CDH13: variants seen among roughly 807,000 people sequenced by gnomAD.
CDH13 encodes the protein cadherin 13.
CDH13 carries 24 observed loss-of-function variants against 63.8 expected under a neutral mutation model. The ratio of observed to expected loss-of-function variants is 0.38; its 90% CI spans 0.27 to 0.53. The LOEUF (loss-of-function observed/expected upper bound fraction) is 0.53. CDH13 is among the 20% of genes least tolerant of loss of function. CDH13 has a pLI of 0.85. For synonymous variants in CDH13, 503 were observed against 355.3 expected (o/e 1.42, Z -4.67); for missense variants, 1,049 against 903.1 (o/e 1.16, Z -2.07).
At chr16:82,985,221 T>A (rs1014975292) in intron 2 of CDH13, among the ~76,000 whole-genome samples, 10 of 152,194 alleles carry the variant, frequency 6.6e-5, no homozygotes, top group Non-Finnish European at 1.3e-4. Flanking sequence ...GGAACTGTAG[T>A]GTCAGTATCT....
chr16:82,655,342 G>A (rs994174894), intron 1 of CDH13, among the ~76,000 whole-genome samples: 4 of 152,234 alleles, frequency 2.6e-5, no homozygotes, highest in Admixed American at 2.6e-4. Context: ...GGGGTTGGGG[G>A]TGAGGGGAGG....
intron 4 of CDH13, among the ~76,000 whole-genome samples, chr16:83,202,475 T>A (rs146461006): frequency 0.012 from 1,758 of 152,276 alleles, 26 homozygotes; most frequent in Middle Eastern, 0.027. Flanking sequence ...AGTAGCGGCT[T>A]CACAGAGTGA....
chr16:82,665,940 A>G (rs890967853), intron 1 of CDH13, among the ~76,000 whole-genome samples: 1 of 152,158 alleles, frequency 6.6e-6, no homozygotes, highest in Non-Finnish European at 1.5e-5. Context: ...AAAATTCAAA[A>G]TCTGAAAAAT....
At chr16:83,373,494 G>C (rs751793767) in intron 6 of CDH13, among the ~76,000 whole-genome samples, 1 of 152,138 alleles carries the variant, frequency 6.6e-6, no homozygotes, top group Non-Finnish European at 1.5e-5. Flanking sequence ...AAAGAGTAAG[G>C]CATGATCTGA....
At chr16:83,484,473 G>A (rs1035553260) in intron 6 of CDH13, among the ~76,000 whole-genome samples, 4 of 152,332 alleles carry the variant, frequency 2.6e-5, no homozygotes, top group African/African-American at 4.8e-5. Flanking sequence ...TAATCCAAAT[G>A]TGGTAGCAAT....
At chr16:83,009,473 C>G (rs1357034752) in intron 2 of CDH13, among the ~76,000 whole-genome samples, 1 of 151,928 alleles carries the variant, frequency 6.6e-6, no homozygotes. Flanking sequence ...ACTTTTTTTC[C>G]TCCAGACAAT....
intron 1 of CDH13, among the ~76,000 whole-genome samples, chr16:82,766,551 C>T (rs1321225242): frequency 6.6e-6 from 1 of 152,196 alleles, no homozygotes; most frequent in East Asian, 1.9e-4. Flanking sequence ...ATCTATTGAG[C>T]TTCATTATCT....
Position 83,443,715 on chromosome 16 carries a change from AAAAAAAAAAAAAAAAAAAAAATATAT to A in CDH13, c.782-42760_782-42735del, listed in dbSNP as rs1461015714. On this transcript the variant is annotated intron_variant, in intron 6 of 13. Transcript: ENST00000567109. ...GTGCGAAGTCCCTACGAAAAAAAAA[AAAAAAAAAAAAAAAAAAAAAATATAT>A]ATATATATATATATATATATATGGA... Among the ~76,000 whole-genome samples the A allele has an allele frequency of 5.1e-3, 464 of 91,398 alleles. 15 individuals are homozygous for A. Among genetic ancestry groups the A allele is most frequent in the South Asian group, 0.012 (35 of 2,834 alleles). 60.0% of individuals were successfully genotyped at this position (91,398 alleles called of 152,430 possible). A position where few individuals can be genotyped will look rare whatever the true frequency, so the allele number is the denominator to read the frequency against.
intron 4 of CDH13, among the ~76,000 whole-genome samples, chr16:83,168,667 GC>G (rs148568898): frequency 0.16 from 24,314 of 151,812 alleles, 2,045 homozygotes; most frequent in South Asian, 0.19. Flanking sequence ...ACATATTGGT[GC>G]TTTTACTTCT....
At chr16:82,680,141 G>T (rs1914387817) in intron 1 of CDH13, among the ~76,000 whole-genome samples, 1 of 152,216 alleles carries the variant, frequency 6.6e-6, no homozygotes, top group African/African-American at 2.4e-5. Flanking sequence ...CATCTGGGAA[G>T]AATCTGGGCC....
intron 2 of CDH13, among the ~76,000 whole-genome samples, chr16:82,987,676 C>A (rs1911121334): frequency 1.3e-5 from 2 of 152,196 alleles, no homozygotes; most frequent in Admixed American, 6.5e-5. Context: ...TGTGCCAGGC[C>A]ATGAATCAGC....
chr16:83,482,412 G>A (rs989224779), intron 6 of CDH13, among the ~76,000 whole-genome samples: 9 of 152,238 alleles, frequency 5.9e-5, no homozygotes, highest in African/African-American at 2.2e-4. Context: ...ACCCTCTCTT[G>A]GAGATTGATG....
intron 5 of CDH13, among the ~76,000 whole-genome samples, chr16:83,338,742 G>C (rs2090656720): frequency 6.6e-6 from 1 of 152,188 alleles, no homozygotes; most frequent in Non-Finnish European, 1.5e-5. Context: ...AGGGTTGTAT[G>C]TAAAAATACC....
At chr16:82,711,131 T>C (rs2031909647) in intron 1 of CDH13, among the ~76,000 whole-genome samples, 1 of 152,058 alleles carries the variant, frequency 6.6e-6, no homozygotes, top group Admixed American at 6.6e-5. Context: ...GGCTTCTAAA[T>C]AGGAATGAAC....
intron 2 of CDH13, among the ~76,000 whole-genome samples, chr16:82,877,650 C>T (rs1481536471): frequency 6.6e-6 from 1 of 151,940 alleles, no homozygotes; most frequent in African/African-American, 2.4e-5. Flanking sequence ...AACTGTAGGC[C>T]CTCTCAAGTC....
intron 1 of CDH13, among the ~76,000 whole-genome samples, chr16:82,728,806 G>A (rs556804275): frequency 2.0e-3 from 297 of 152,288 alleles, no homozygotes; most frequent in African/African-American, 6.9e-3. Context: ...CTGTTTGATA[G>A]CATTTTACCC....
At chr16:82,929,301 A>T (rs2042402223) in intron 2 of CDH13, among the ~76,000 whole-genome samples, 1 of 152,070 alleles carries the variant, frequency 6.6e-6, no homozygotes, top group Non-Finnish European at 1.5e-5. Flanking sequence ...TTATGAGATT[A>T]GTGTCTTTAT....
intron 4 of CDH13, among the ~76,000 whole-genome samples, chr16:83,146,893 G>A (rs1399833600): frequency 1.3e-5 from 2 of 152,210 alleles, no homozygotes; most frequent in East Asian, 1.9e-4. Flanking sequence ...TTCGAAGTTA[G>A]CCTAGTCAAC....
intron 6 of CDH13, among the ~76,000 whole-genome samples, chr16:83,384,704 G>C (rs1284564309): frequency 6.6e-6 from 1 of 152,200 alleles, no homozygotes; most frequent in African/African-American, 2.4e-5. Context: ...CAGGTGTGCA[G>C]GGCCACATGG....
Sources: gnomAD v4.1 joint callset for allele counts (sites outside exome capture counted in the v4.1 genomes callset) on GRCh38, gnomAD v4.1.1 for gene constraint, MANE v1.5 for transcripts, NCBI Gene and HGNC (gene_info 2026-07-23, HGNC 2026-07-21) for gene names.